The following CHRM3 variants were observed in gnomAD, a reference collection of about 807,000 sequenced individuals.
CHRM3 encodes the protein cholinergic receptor muscarinic 3.
In CHRM3, 11 loss-of-function variants were observed where a neutral mutation model predicts 41.8. The observed-to-expected ratio is 0.26, with a 90% confidence interval of 0.17 to 0.44. CHRM3 has a LOEUF of 0.44. Ranked by LOEUF, CHRM3 falls within the 20% of genes least tolerant of loss-of-function variation. CHRM3 has a pLI of 1.00. For synonymous variants in CHRM3, 297 were observed against 301.4 expected, an observed-to-expected ratio of 0.99 and a Z score of 0.15; for missense variants, 571 against 745.4, an observed-to-expected ratio of 0.77 and a Z score of 2.72.
intron 2 of CHRM3, among the ~76,000 whole-genome samples, chr1:239,527,955 T>C (rs2148307119): frequency 6.6e-6 from 1 of 152,344 alleles, no homozygotes; most frequent in Admixed American, 6.5e-5. Flanking sequence ...AAAGTGGACA[T>C]GATGACATGC....
intron 2 of CHRM3, among the ~76,000 whole-genome samples, chr1:239,542,368 A>T (rs1572655539): frequency 6.6e-6 from 1 of 152,276 alleles, no homozygotes; most frequent in African/African-American, 2.4e-5. Flanking sequence ...ACTCAGAGAA[A>T]ACAGGAGGAG....
intron 4 of CHRM3, among the ~76,000 whole-genome samples, chr1:239,635,225 T>C (rs1298516115): frequency 6.6e-6 from 1 of 152,212 alleles, no homozygotes; most frequent in African/African-American, 2.4e-5. Context: ...TTACATTCTG[T>C]CACAGCCAGC....
chr1:239,604,131 G>A (rs1431517567), intron 3 of CHRM3, among the ~76,000 whole-genome samples: 1 of 152,038 alleles, frequency 6.6e-6, no homozygotes, highest in Non-Finnish European at 1.5e-5. Context: ...GTTGTTCTTT[G>A]AGATGCAGAT....
chr1:239,811,901 C>T (rs895513484), intron 5 of CHRM3, among the ~76,000 whole-genome samples: 2 of 152,036 alleles, frequency 1.3e-5, no homozygotes, highest in Non-Finnish European at 2.9e-5. Context: ...ATTATGAGGA[C>T]GCAACCAAAC....
At chr1:239,453,616 TA>T (rs1279615198) in intron 1 of CHRM3, among the ~76,000 whole-genome samples, 2 of 152,146 alleles carry the variant, frequency 1.3e-5, no homozygotes, top group Non-Finnish European at 2.9e-5. Context: ...GTTTAGCTAT[TA>T]AAAAAAGAAG....
chr1:239,836,245 A>G (rs930190736), intron 6 of CHRM3, among the ~76,000 whole-genome samples: 5 of 152,234 alleles, frequency 3.3e-5, no homozygotes, highest in Non-Finnish European at 7.3e-5. Flanking sequence ...AGCTACTTCA[A>G]AAACAAAGTC....
At chr1:239,813,797 G>A (rs1219135402) in intron 5 of CHRM3, among the ~76,000 whole-genome samples, 2 of 129,572 alleles carry the variant, frequency 1.5e-5, no homozygotes, top group African/African-American at 3.3e-5. Flanking sequence ...GGCGCCTGTA[G>A]TCCCAGCTAC....
intron 1 of CHRM3, among the ~76,000 whole-genome samples, chr1:239,424,752 C>G (rs1662236296): frequency 6.6e-6 from 1 of 152,128 alleles, no homozygotes; most frequent in Non-Finnish European, 1.5e-5. Flanking sequence ...TAAAAGAAGG[C>G]TGTGGGGATG....
chr1:239,543,915 C>A (rs1659035754), intron 2 of CHRM3, among the ~76,000 whole-genome samples: 1 of 152,150 alleles, frequency 6.6e-6, no homozygotes, highest in Non-Finnish European at 1.5e-5. Flanking sequence ...TGAAAGCAGC[C>A]AGAGACGATA....
intron 5 of CHRM3, among the ~76,000 whole-genome samples, chr1:239,694,462 C>A (rs757499331): frequency 6.6e-6 from 1 of 152,152 alleles, no homozygotes; most frequent in East Asian, 1.9e-4. Context: ...CAAGGCTTAA[C>A]GTTCCAAAAA....
At chr1:239,813,043 G>C (rs532530195) in intron 5 of CHRM3, among the ~76,000 whole-genome samples, 2 of 152,192 alleles carry the variant, frequency 1.3e-5, no homozygotes, top group African/African-American at 2.4e-5. Context: ...ACTTTGGGAG[G>C]CCAAGGCAGG....
intron 1 of CHRM3, among the ~76,000 whole-genome samples, chr1:239,409,072 AG>A (rs1449431603): frequency 2.6e-5 from 4 of 152,202 alleles, no homozygotes; most frequent in African/African-American, 9.6e-5. Context: ...TTAAAATCTA[AG>A]TCTTCAAATA....
Position 239,913,339 on chromosome 1 carries a change from A to C in CHRM3, c.*4115A>C. Reference sequence around the variant, plus strand: ...GAACTGAAACTGTATAGATTACAACACTCCAAAGTTATTTTTTTTTAACCT... The same window carrying C: ...GAACTGAAACTGTATAGATTACAACCCTCCAAAGTTATTTTTTTTTAACCT... On this transcript the variant is annotated 3_prime_UTR_variant, in exon 7 of 7. Coordinates refer to ENST00000676153, the MANE Select transcript of CHRM3 (RefSeq NM_001375978.1). 6.1e-6 allele frequency: 1 copy of C among 162,882 alleles called. No individual in the cohort carries two copies. The highest frequency in any genetic ancestry group is 1.5e-5 in the Non-Finnish European group (1 of 68,058). 10.1% of individuals were successfully genotyped at this position (162,882 alleles called of 1,614,324 possible).
intron 6 of CHRM3, among the ~76,000 whole-genome samples, chr1:239,831,440 A>G (rs1243905602): frequency 2.6e-5 from 4 of 152,150 alleles, no homozygotes; most frequent in Admixed American, 2.0e-4. Flanking sequence ...CAGTGTCACA[A>G]TACTGGAAGG....
rs144473689 is a variant in CHRM3 at position 239,454,437 on chromosome 1, G to A, written c.-520-38272G>A. ...CCCTCTCCAGGCGAGCCACCTTCCC[G>A]GCACCTGGAAGCTCTCTGAGCCCTG... is the stretch of plus-strand genomic sequence containing the variant. On this transcript the variant is annotated intron_variant, in intron 1 of 6. Coordinates refer to ENST00000676153, the MANE Select transcript of CHRM3 (RefSeq NM_001375978.1). Among the ~76,000 whole-genome samples the A allele has an allele frequency of 6.1e-3, 927 of 152,142 alleles. 8 individuals are homozygous for A. The highest frequency in any genetic ancestry group is 0.021 in the African/African-American group (868 of 41,518).
intron 1 of CHRM3, among the ~76,000 whole-genome samples, chr1:239,428,359 A>T (rs1662563905): frequency 6.6e-6 from 1 of 152,222 alleles, no homozygotes; most frequent in African/African-American, 2.4e-5. Context: ...GCAGTTGAGT[A>T]GATATTTCAG....
chr1:239,823,903 A>G (rs975765688), intron 5 of CHRM3, among the ~76,000 whole-genome samples: 2 of 152,158 alleles, frequency 1.3e-5, no homozygotes, highest in South Asian at 2.1e-4. Context: ...CAAGGAAACT[A>G]TAACTGTGTA....
chr1:239,709,952 T>A lies in CHRM3; in HGVS notation c.-147+31664T>A, dbSNP rs569608599. On this transcript the variant is annotated intron_variant, in intron 5 of 6. Transcript: ENST00000676153. ...ATTGCTATTTGACATGAAGCATCAT[T>A]GTATCATGAGATATTACTAAAGGTA... Among the ~76,000 whole-genome samples, 44 of 152,348 alleles carry A rather than the reference T, an allele frequency of 2.9e-4. 1 individual carries two copies. Among genetic ancestry groups the A allele is most frequent in the Middle Eastern group, 3.4e-3 (1 of 294 alleles).
At chr1:239,559,582 C>A (rs915986873) in intron 3 of CHRM3, among the ~76,000 whole-genome samples, 9 of 152,114 alleles carry the variant, frequency 5.9e-5, no homozygotes, top group African/African-American at 2.2e-4. Flanking sequence ...AAAGTTAGGA[C>A]GAATTTCAAG....
Sources: gnomAD v4.1 joint callset for allele counts (sites outside exome capture counted in the v4.1 genomes callset) on GRCh38, gnomAD v4.1.1 for gene constraint, MANE v1.5 for transcripts, NCBI Gene and HGNC (gene_info 2026-07-23, HGNC 2026-07-21) for gene names.